PABPC4L: variants seen among roughly 807,000 people sequenced by gnomAD.
PABPC4L encodes the protein polyadenylate-binding protein 4-like.
For synonymous variants in PABPC4L, 169 were observed against 164.1 expected (o/e 1.03, Z -0.23); for missense variants, 452 against 451.4 (o/e 1.00, Z -0.01).
At chr4:133,959,063 G>A in the PABPC4L span, among the ~76,000 whole-genome samples, 52 of 152,220 alleles carry the variant, frequency 3.4e-4, no homozygotes, top group East Asian at 1.2e-3. Context: ...ATTTCTGAAG[G>A]CTCCCATGTT....
the PABPC4L span, among the ~76,000 whole-genome samples, chr4:134,127,785 G>T: frequency 5.9e-5 from 9 of 152,064 alleles, no homozygotes; most frequent in African/African-American, 1.7e-4. Context: ...ATCAGCTATT[G>T]ATCCAAACCA....
the PABPC4L span, among the ~76,000 whole-genome samples, chr4:134,107,077 A>T: frequency 6.6e-6 from 1 of 151,438 alleles, no homozygotes; most frequent in African/African-American, 2.4e-5. Context: ...TTTTTAGGGC[A>T]CATTAAAATA....
At chr4:134,191,941 G>C (rs1457284339), downstream of PABPC4L, among the ~76,000 whole-genome samples, 2 of 151,884 alleles carry the variant, frequency 1.3e-5, no homozygotes, top group Non-Finnish European at 2.9e-5. Context: ...AATAGAAAAA[G>C]TGAATGAAGC....
chr4:134,020,902 G>C, the PABPC4L span, among the ~76,000 whole-genome samples: 1 of 152,022 alleles, frequency 6.6e-6, no homozygotes, highest in Non-Finnish European at 1.5e-5. Flanking sequence ...TTTCCTGTCA[G>C]AGTGTTCAAT....
At chr4:134,184,974 T>G in the PABPC4L span, among the ~76,000 whole-genome samples, 1 of 152,016 alleles carries the variant, frequency 6.6e-6, no homozygotes, top group Non-Finnish European at 1.5e-5. Flanking sequence ...TCTGTATATC[T>G]CCTTTCTTGA....
chr4:134,132,136 C>T, the PABPC4L span, among the ~76,000 whole-genome samples: 1 of 151,912 alleles, frequency 6.6e-6, no homozygotes, highest in Non-Finnish European at 1.5e-5. Context: ...AGAAAAAACC[C>T]TTCTAGACAT....
At chr4:134,201,560 A>T (rs867367334) in intron 1 of PABPC4L, among the ~76,000 whole-genome samples, 158 bp downstream of exon 1, 2 of 151,944 alleles carry the variant, frequency 1.3e-5, no homozygotes, top group Non-Finnish European at 2.9e-5. Context: ...GCCGGCAGCG[A>T]CGCGGGCCAA....
the PABPC4L span, among the ~76,000 whole-genome samples, chr4:133,966,878 T>C: frequency 5.3e-5 from 8 of 152,148 alleles, no homozygotes; most frequent in African/African-American, 1.9e-4. Context: ...TTCAAAAACA[T>C]ATTAGCAATG....
chr4:134,085,285 G>A, the PABPC4L span, among the ~76,000 whole-genome samples: 1 of 151,876 alleles, frequency 6.6e-6, no homozygotes, highest in African/African-American at 2.4e-5. Flanking sequence ...GTTGGAGTAT[G>A]TATGTACATA....
the PABPC4L span, among the ~76,000 whole-genome samples, chr4:134,093,689 C>A: frequency 6.6e-6 from 1 of 150,946 alleles, no homozygotes; most frequent in African/African-American, 2.4e-5. Context: ...ATTCAAATAG[C>A]TTTTCCTCAT....
chr4:134,158,887 T>C, the PABPC4L span, among the ~76,000 whole-genome samples: 1 of 152,190 alleles, frequency 6.6e-6, no homozygotes, highest in African/African-American at 2.4e-5. Flanking sequence ...TCAGGCTATA[T>C]GATATAGCCT....
the PABPC4L span, among the ~76,000 whole-genome samples, chr4:134,077,238 C>A: frequency 6.6e-6 from 1 of 152,074 alleles, no homozygotes; most frequent in Admixed American, 6.6e-5. Context: ...TCTTTTTCTG[C>A]TCCATTTGTT....
the PABPC4L span, among the ~76,000 whole-genome samples, chr4:133,992,852 C>T: frequency 6.6e-6 from 1 of 152,074 alleles, no homozygotes; most frequent in Admixed American, 6.6e-5. Context: ...TCAGCATCCC[C>T]CAGGTGATGT....
the PABPC4L span, among the ~76,000 whole-genome samples, chr4:133,976,324 A>G: frequency 6.6e-6 from 1 of 152,162 alleles, no homozygotes; most frequent in Admixed American, 6.5e-5. Flanking sequence ...CATAGTGTAT[A>G]TGTATCACAT....
chr4:133,972,458 G>A, the PABPC4L span, among the ~76,000 whole-genome samples: 10 of 151,972 alleles, frequency 6.6e-5, no homozygotes, highest in South Asian at 2.1e-4. Flanking sequence ...TTTATCTAGG[G>A]GCAGATAGTA....
chr4:133,983,691 A>G, the PABPC4L span, among the ~76,000 whole-genome samples: 3 of 151,874 alleles, frequency 2.0e-5, no homozygotes, highest in Non-Finnish European at 3.0e-5. Context: ...ATATAATTCT[A>G]TAAACTTGGA....
At chr4:133,982,494 T>C in the PABPC4L span, among the ~76,000 whole-genome samples, 8 of 152,056 alleles carry the variant, frequency 5.3e-5, no homozygotes, top group Non-Finnish European at 8.8e-5. Context: ...AGTGCATTTA[T>C]GGTGAATTCT....
the PABPC4L span, among the ~76,000 whole-genome samples, chr4:134,103,924 T>C: frequency 7.2e-5 from 11 of 151,790 alleles, no homozygotes; most frequent in East Asian, 2.1e-3. Flanking sequence ...TTTTAATCAA[T>C]TTTTTCCACA....
At chr4:134,050,128 G>C in the PABPC4L span, among the ~76,000 whole-genome samples, 1 of 152,100 alleles carries the variant, frequency 6.6e-6, no homozygotes, top group Non-Finnish European at 1.5e-5. Context: ...TAAGAAAAAG[G>C]TTAGAAATTA....
Sources: allele counts gnomAD v4.1 joint callset (sites outside exome capture counted in the v4.1 genomes callset), GRCh38; gene constraint gnomAD v4.1.1; transcripts MANE v1.5; gene names NCBI Gene and HGNC (gene_info 2026-07-23, HGNC 2026-07-21).